Variants in KDM8 observed in about 807,000 individuals in gnomAD.
KDM8 encodes the protein lysine demethylase 8.
In KDM8, 35 loss-of-function variants were observed where a neutral mutation model predicts 46.9. The observed-to-expected ratio is 0.75, with a 90% CI of 0.57 to 0.99. KDM8 has a LOEUF of 0.99. Ranked by LOEUF, KDM8 falls within the 50% of genes least tolerant of loss-of-function variation. The pLI is 0.00. For missense variants in KDM8, 475 were observed against 537.0 expected (o/e 0.88, Z 1.14); for synonymous variants, 232 against 227.7 (o/e 1.02, Z -0.17).
chr16:27,206,711 G>C (rs1363969702), intron 1 of KDM8, among the ~76,000 whole-genome samples: 1 of 152,238 alleles, frequency 6.6e-6, no homozygotes, highest in Non-Finnish European at 1.5e-5. Flanking sequence ...TATCAGACCA[G>C]TATATGGGAA....
At chr16:27,206,496 T>C (rs1432369812) in intron 1 of KDM8, among the ~76,000 whole-genome samples, 3 of 152,210 alleles carry the variant, frequency 2.0e-5, no homozygotes, top group Non-Finnish European at 4.4e-5. Context: ...GGTCTCGAGC[T>C]CCTGACCTCA....
intron 1 of KDM8, chr16:27,204,118 G>C: frequency 1.3e-6 from 2 of 1,546,328 alleles, no homozygotes; most frequent in Non-Finnish European, 1.7e-6. Flanking sequence ...TGCAGCCCCG[G>C]GGAAGGCGCT....
At chr16:27,204,337 G>A in intron 1 of KDM8, 3 of 1,360,078 alleles carry the variant, frequency 2.2e-6, no homozygotes, top group Non-Finnish European at 2.8e-6. Flanking sequence ...GAGGTGCGCA[G>A]GCGTTGGGGC....
At chr16:27,203,674 T>C (rs753327423) in intron 1 of KDM8, 38 bp downstream of exon 1, 1 of 168,254 alleles carries the variant, frequency 5.9e-6, no homozygotes, top group Non-Finnish European at 1.3e-5. Context: ...TCAGCTCCAG[T>C]TCCTCAGAAG....
rs370737639 is a variant in KDM8 at position 27,203,548 on chromosome 16, C to A, written c.-120C>A. On this transcript the variant is annotated 5_prime_UTR_variant, in exon 1 of 8. Coordinates refer to ENST00000286096, the MANE Select transcript of KDM8 (RefSeq NM_024773.3). ...GATACTCCTATGCTAGCCTCTGGCT[C>A]CTCAGGGGACACAGCCGAGTGGTCG... is the stretch of plus-strand genomic sequence containing the variant. 1.3e-5 allele frequency: 2 copies of A among 153,052 alleles called. No homozygotes were observed. Among genetic ancestry groups the A allele is most frequent in the African/African-American group, 4.8e-5 (2 of 41,478 alleles). 9.5% of individuals were successfully genotyped at this position (153,052 alleles called of 1,614,324 possible). A position where few individuals can be genotyped will look rare whatever the true frequency, so the allele number is the denominator to read the frequency against.
intron 2 of KDM8, 49 bp downstream of exon 2, chr16:27,210,670 G>T: frequency 6.8e-7 from 1 of 1,480,456 alleles, no homozygotes; most frequent in Admixed American, 2.4e-5. Context: ...CAGCAACCCT[G>T]TTGTTCTAGA....
At chr16:27,212,595 G>A (rs749193785) in intron 2 of KDM8, among the ~76,000 whole-genome samples, 37 of 152,174 alleles carry the variant, frequency 2.4e-4, no homozygotes, top group African/African-American at 4.6e-4. Flanking sequence ...TTTGCTGGGC[G>A]TCCTGGCACA....
Position 27,221,152 on chromosome 16 carries a change from TG to T in KDM8, c.*423del. The T allele has an allele frequency of 1.5e-5, 5 of 337,302 alleles. No homozygotes were observed. The highest frequency in any genetic ancestry group is 2.9e-5 in the Non-Finnish European group (5 of 170,612). The allele number at this position is 337,302 out of a possible 1,614,324, so 20.9% of individuals were successfully genotyped here. A position where few individuals can be genotyped will look rare whatever the true frequency, so the allele number is the denominator to read the frequency against. On this transcript the variant is annotated 3_prime_UTR_variant, in exon 8 of 8. Coordinates refer to ENST00000286096, the MANE Select transcript of KDM8 (RefSeq NM_024773.3). ...ACTTGGCCAGGATCCCCCACTTCGC[TG>T]TGCCCATATGGAAAAGAGGGCAAGG...
intron 1 of KDM8, among the ~76,000 whole-genome samples, chr16:27,205,363 C>T (rs1425681053): frequency 2.6e-5 from 4 of 152,144 alleles, no homozygotes; most frequent in South Asian, 2.1e-4. Context: ...CACCAGCAGA[C>T]AAGACTTTAT....
At chr16:27,206,558 G>A (rs1036754863) in intron 1 of KDM8, among the ~76,000 whole-genome samples, 4 of 152,134 alleles carry the variant, frequency 2.6e-5, no homozygotes, top group Non-Finnish European at 4.4e-5. Context: ...AGGCGTGAGC[G>A]ATGCACGTGG....
In KDM8 at chr16:27,210,135, C is replaced by T; in HGVS notation, c.12C>T (p.Asp4=). 1 of 1,612,308 alleles carries T rather than the reference C, an allele frequency of 6.2e-7. No individual in the cohort carries two copies. The highest frequency in any genetic ancestry group is 1.1e-5 in the South Asian group (1 of 91,010). The change falls in exon 2 of 8, where the codon GAC becomes GAT. Residue 4 remains aspartate, a synonymous_variant. Transcript: ENST00000286096. The stretch of plus-strand genomic sequence containing the variant: ...CTGGTGGTGGCCCGATGGCTGGAGA[C>T]ACCCACTGCCCCGCAGAGCCCCTGG... MAG[D]THCPAEPLAR... is the part of the protein sequence containing the mutation.
At position 27,213,546 on chromosome 16, in the gene KDM8, G is replaced by A. The variant is rs1194280605; in HGVS notation, c.499-39G>A. On this transcript the variant is annotated intron_variant, in intron 2 of 7. Transcript: ENST00000286096. ...GGAATACCTCAAATGTCGACTTCCTGAGGTGGTTGCTATTTTGTTCTGTTT... is the reference window on the plus strand; with the variant it reads ...GGAATACCTCAAATGTCGACTTCCTAAGGTGGTTGCTATTTTGTTCTGTTT... 2.5e-6 allele frequency: 4 copies of A among 1,605,820 alleles called. No homozygotes were observed. In the East Asian group the frequency reaches 6.7e-5, roughly 27 times the overall value.
intron 1 of KDM8, among the ~76,000 whole-genome samples, chr16:27,207,425 A>C (rs530480607): frequency 1.3e-5 from 2 of 152,310 alleles, no homozygotes; most frequent in African/African-American, 4.8e-5. Context: ...CTGCTTTGGA[A>C]GACTGCTTCC....
At chr16:27,208,156 T>C (rs895055330) in intron 1 of KDM8, among the ~76,000 whole-genome samples, 2 of 152,222 alleles carry the variant, frequency 1.3e-5, no homozygotes, top group Admixed American at 1.3e-4. Flanking sequence ...AGGCCATCTT[T>C]CCCAGAAGGC....
intron 7 of KDM8, 39 bp downstream of exon 7, chr16:27,220,524 C>T (rs541653028): frequency 2.5e-6 from 4 of 1,614,080 alleles, no homozygotes; most frequent in Non-Finnish European, 3.4e-6. Context: ...GCAGGTTCTC[C>T]CCACTGCCCC....
chr16:27,209,835 C>T (rs1435565357), intron 1 of KDM8, among the ~76,000 whole-genome samples: 1 of 152,170 alleles, frequency 6.6e-6, no homozygotes, highest in Non-Finnish European at 1.5e-5. Flanking sequence ...GTATGGGAGG[C>T]ACTGCAGATG....
rs1263332257 is a variant in KDM8, at chr16:27,209,932, G to A, written c.-31-161G>A. On this transcript the variant is annotated intron_variant, in intron 1 of 7. Coordinates refer to ENST00000286096, the MANE Select transcript of KDM8 (RefSeq NM_024773.3). Reference sequence around the variant, plus strand: ...TGCGCCAGGCCCTGAAGATACAGTGGTGACCCCAGACAGATGAGGGCCCTC... The same window carrying A: ...TGCGCCAGGCCCTGAAGATACAGTGATGACCCCAGACAGATGAGGGCCCTC... Among the ~76,000 whole-genome samples, 3 of 152,222 alleles carry A rather than the reference G, an allele frequency of 2.0e-5. No individual in the cohort carries two copies. The East Asian group carries it at 5.8e-4, about 29-fold the overall frequency.
At chr16:27,209,278 G>A (rs1026511401) in intron 1 of KDM8, among the ~76,000 whole-genome samples, 6 of 152,212 alleles carry the variant, frequency 3.9e-5, no homozygotes, top group African/African-American at 1.4e-4. Flanking sequence ...CTGTCACCCA[G>A]GCTGGTGGCA....
chr16:27,214,344 A>G (rs1351217278), intron 3 of KDM8: 1 of 157,412 alleles, frequency 6.4e-6, no homozygotes, highest in Non-Finnish European at 1.4e-5. Flanking sequence ...AGCTCTCCTC[A>G]CAGCAAGGCT....
Sources: gnomAD v4.1 joint callset for allele counts (sites outside exome capture counted in the v4.1 genomes callset) on GRCh38, gnomAD v4.1.1 for gene constraint, MANE v1.5 for transcripts, NCBI Gene and HGNC (gene_info 2026-07-23, HGNC 2026-07-21) for gene names.